The following GABARAP variants were observed in gnomAD, a reference collection of about 807,000 sequenced individuals.
The protein encoded by GABARAP is gamma-aminobutyric acid receptor-associated protein.
A neutral mutation model predicts 16.7 loss-of-function variants in GABARAP; 5 were observed. The ratio of observed to expected loss-of-function variants is 0.30; its 90% CI spans 0.16 to 0.63. The LOEUF (loss-of-function observed/expected upper bound fraction) is 0.63, where lower values mean the gene tolerates loss of function less well. Among genes scored for constraint, GABARAP ranks in the 20% least tolerant of loss-of-function variants. GABARAP has a pLI of 0.82. For missense variants in GABARAP, 84 were observed against 146.6 expected (o/e 0.57, Z 2.21); for synonymous variants, 45 against 52.7 (o/e 0.85, Z 0.64).
In GABARAP at chr17:7,240,838, C is replaced by G. The variant is rs761040922; in HGVS notation, c.*16G>C. On this transcript the variant is annotated 3_prime_UTR_variant, in exon 4 of 4. Transcript: ENST00000302386. ...TTTGTAGAATGAGACCCCCCTCCAG[C>G]TCAGGGGCAGCAGCTTCACAGACCG... 5.7e-6 allele frequency: 9 copies of G among 1,591,346 alleles called. No homozygotes were observed. The Admixed American group carries it at 1.3e-4, about 24-fold the overall frequency.
intron 1 of GABARAP, 71 bp from the exon 2 acceptor site, chr17:7,241,750 A>G (rs2071781189): frequency 1.4e-5 from 13 of 933,300 alleles, no homozygotes; most frequent in Non-Finnish European, 2.3e-5. Flanking sequence ...AGAACTCAAG[A>G]AACAATATTC....
In GABARAP at chr17:7,242,378, G is replaced by A. The variant is rs1371435150; in HGVS notation, c.-48C>T. 2.1e-6 allele frequency: 3 copies of A among 1,411,808 alleles called. No homozygotes were observed. The highest frequency in any genetic ancestry group is 1.8e-5 in the Admixed American group (1 of 56,328). 87.5% of individuals were successfully genotyped at this position (1,411,808 alleles called of 1,614,324 possible). A position where few individuals can be genotyped will look rare whatever the true frequency, so the allele number is the denominator to read the frequency against. On this transcript the variant is annotated 5_prime_UTR_variant, in exon 1 of 4. Transcript: ENST00000302386. ...AGGGCTGGGCTGAGGGAACCCAGGG[G>A]GGCCGGGACGGGGGGCGGCGACGAC...
chr17:7,242,420 C>A lies in GABARAP; in HGVS notation c.-90G>T, dbSNP rs926378647. ...GGCGACGACGGCGGCGACGCGCGGG[C>A]GGATTCAGCGGAGCGATCCACGAAT... On this transcript the variant is annotated 5_prime_UTR_variant, in exon 1 of 4. Coordinates refer to ENST00000302386, the MANE Select transcript of GABARAP (RefSeq NM_007278.2). 34 of 930,208 alleles carry A rather than the reference C, an allele frequency of 3.7e-5. No individual in the cohort carries two copies. Among genetic ancestry groups the A allele is most frequent in the Middle Eastern group, 2.2e-4 (1 of 4,568 alleles). 57.6% of individuals were successfully genotyped at this position (930,208 alleles called of 1,614,324 possible).
rs1386221416 is a variant in GABARAP at position 7,240,098 on chromosome 17, G to C, written c.*756C>G. ...CAAATGTGGATGTTCACCTAAAGCA[G>C]GTACTTCGGAACTTTCTCCACAGGA... On this transcript the variant is annotated 3_prime_UTR_variant, in exon 4 of 4. Coordinates refer to ENST00000302386, the MANE Select transcript of GABARAP (RefSeq NM_007278.2). The C allele has an allele frequency of 1.3e-5, 2 of 152,134 alleles. No individual in the cohort carries two copies. Among genetic ancestry groups the C allele is most frequent in the Non-Finnish European group, 2.9e-5 (2 of 68,022 alleles). The allele number at this position is 152,134 out of a possible 1,614,324, so 9.4% of individuals were successfully genotyped here.
At position 7,242,387 on chromosome 17, in the gene GABARAP, CG is replaced by C. The variant is rs1298268519; in HGVS notation, c.-58del. The C allele has an allele frequency of 6.8e-6, 7 of 1,022,660 alleles. No homozygotes were observed. Among genetic ancestry groups the C allele is most frequent in the East Asian group, 7.2e-5 (2 of 27,746 alleles). The allele number at this position is 1,022,660 out of a possible 1,614,324, so 63.3% of individuals were successfully genotyped here. A position where few individuals can be genotyped will look rare whatever the true frequency, so the allele number is the denominator to read the frequency against. Reference sequence around the variant, plus strand: ...CTGAGGGAACCCAGGGGGGCCGGGACGGGGGGCGGCGACGACGGCGGCGACG... The same window carrying C: ...CTGAGGGAACCCAGGGGGGCCGGGACGGGGGCGGCGACGACGGCGGCGACG... On this transcript the variant is annotated 5_prime_UTR_variant, in exon 1 of 4. Transcript: ENST00000302386.
rs745382845 is a variant in GABARAP, at chr17:7,242,295, C to G, written c.36G>C (p.Glu12Asp). Residue 12 changes from glutamate (E) to aspartate (D), a missense_variant, in exon 1 of 4, where the codon GAG (glutamate) becomes GAC (aspartate). Transcript: ENST00000302386. ...TCTTCTCGCCCTCAGAGCGGCGCTTCTCGAACGGATGCTCTTCTTTGTACA... is the reference window on the plus strand; with the variant it reads ...TCTTCTCGCCCTCAGAGCGGCGCTTGTCGAACGGATGCTCTTCTTTGTACA... ...KFVYKEEHPFEKRRSEGEKIR... is the reference protein window; with the variant it reads ...KFVYKEEHPFDKRRSEGEKIR... 6.2e-7 allele frequency: 1 copy of G among 1,613,884 alleles called. No individual in the cohort carries two copies. The highest frequency in any genetic ancestry group is 8.5e-7 in the Non-Finnish European group (1 of 1,179,894).
At chr17:7,241,141 C>G in intron 3 of GABARAP, 1 of 680,726 alleles carries the variant, frequency 1.5e-6, no homozygotes, top group Non-Finnish European at 2.6e-6. Context: ...GAGTCCCGAA[C>G]AGATAGTTTC....
rs755211728 is a variant in GABARAP at position 7,241,690 on chromosome 17, G to A, written c.91-11C>T. 1.1e-5 allele frequency: 17 copies of A among 1,562,072 alleles called. No individual in the cohort carries two copies. Among genetic ancestry groups the A allele is most frequent in the South Asian group, 3.3e-5 (3 of 90,122 alleles). On this transcript the variant is annotated splice_polypyrimidine_tract_variant and intron_variant, in intron 1 of 3. Transcript: ENST00000302386. ...CTTTTCTACTATCACCTGATAAAGAGATGAAAATTAGGAGACAGAAGGAAT... is the reference window on the plus strand; with the variant it reads ...CTTTTCTACTATCACCTGATAAAGAAATGAAAATTAGGAGACAGAAGGAAT...
rs1057200451 is a variant in GABARAP at position 7,240,289 on chromosome 17, A to C, written c.*565T>G. 1 of 152,872 alleles carries C rather than the reference A, an allele frequency of 6.5e-6. No homozygotes were observed. Among genetic ancestry groups the C allele is most frequent in the African/African-American group, 2.4e-5 (1 of 41,440 alleles). 9.5% of individuals were successfully genotyped at this position (152,872 alleles called of 1,614,324 possible). A position where few individuals can be genotyped will look rare whatever the true frequency, so the allele number is the denominator to read the frequency against. ...GGGAAAAGCCCAACATGAACAGAAT[A>C]AACCAAAATATACTTCTATCCCTCC... On this transcript the variant is annotated 3_prime_UTR_variant, in exon 4 of 4. Transcript: ENST00000302386.
At position 7,240,725 on chromosome 17, in the gene GABARAP, A is replaced by G. The variant is rs907399464; in HGVS notation, c.*129T>C. 1 of 683,752 alleles carries G rather than the reference A, an allele frequency of 1.5e-6. No homozygotes were observed. Among genetic ancestry groups the G allele is most frequent in the South Asian group, 1.7e-5 (1 of 59,114 alleles). The allele number at this position is 683,752 out of a possible 1,614,324, so 42.4% of individuals were successfully genotyped here. ...TAAGAGAGGCTGGAGAGAAAGCCAC[A>G]AACATTAAGAAGTGCCGGTCCTGAA... On this transcript the variant is annotated 3_prime_UTR_variant, in exon 4 of 4. Transcript: ENST00000302386.
Position 7,241,458 on chromosome 17 carries a change from C to T in GABARAP, c.172G>A (p.Gly58Ser). ...KYLVPSDLTV[G>S]QFYFLIRKRI... ...TTCCGGATCAAGAAGTAGAACTGAC[C>T]AACTGCAAAAGATACAAGATGCAAG... The change falls in exon 3 of 4, where the codon GGT becomes AGT. Residue 58 changes from glycine (G) to serine (S), a missense_variant and splice_region_variant. Gly to Ser is a moderately conservative substitution (Grantham distance 56, BLOSUM62 0). Coordinates refer to ENST00000302386, the MANE Select transcript of GABARAP (RefSeq NM_007278.2). 6.6e-7 allele frequency: 1 copy of T among 1,512,924 alleles called. No homozygotes were observed. The highest frequency in any genetic ancestry group is 9.2e-7 in the Non-Finnish European group (1 of 1,087,682). 93.7% of individuals were successfully genotyped at this position (1,512,924 alleles called of 1,614,324 possible).
rs374845958 is a variant in GABARAP at position 7,240,438 on chromosome 17, C to T, written c.*416G>A. On this transcript the variant is annotated 3_prime_UTR_variant, in exon 4 of 4. Transcript: ENST00000302386. The stretch of plus-strand genomic sequence containing the variant: ...ATTCAGTTCAGCTTGGTGGTTTCCT[C>T]TTTATTGATGTGCCTCCTACCTTCC... 5.9e-6 allele frequency: 1 copy of T among 169,238 alleles called. No individual in the cohort carries two copies. The highest frequency in any genetic ancestry group is 1.8e-4 in the East Asian group (1 of 5,508). The allele number at this position is 169,238 out of a possible 1,614,324, so 10.5% of individuals were successfully genotyped here.
rs1207897742 is a variant in GABARAP at position 7,240,779 on chromosome 17, A to C, written c.*75T>G. On this transcript the variant is annotated 3_prime_UTR_variant, in exon 4 of 4. Transcript: ENST00000302386. ...GGGAGGTGGTGTTTGAGCTTGAAGG[A>C]GGAGGAGGTCAAGAAAGGGGGGCCA... 2 of 925,060 alleles carry C rather than the reference A, an allele frequency of 2.2e-6. No individual in the cohort carries two copies. Among genetic ancestry groups the C allele is most frequent in the Non-Finnish European group, 3.6e-6 (2 of 558,216 alleles). 57.3% of individuals were successfully genotyped at this position (925,060 alleles called of 1,614,324 possible). A position where few individuals can be genotyped will look rare whatever the true frequency, so the allele number is the denominator to read the frequency against.
rs796989278 is a variant in GABARAP, at chr17:7,240,643, A to G, written c.*211T>C. The G allele has an allele frequency of 9.3e-6, 5 of 538,394 alleles. No individual in the cohort carries two copies. Among genetic ancestry groups the G allele is most frequent in the African/African-American group, 7.7e-5 (4 of 52,096 alleles). The allele number at this position is 538,394 out of a possible 1,614,324, so 33.4% of individuals were successfully genotyped here. On this transcript the variant is annotated 3_prime_UTR_variant, in exon 4 of 4. Coordinates refer to ENST00000302386, the MANE Select transcript of GABARAP (RefSeq NM_007278.2). ...GCAGGATGGGAAAGGCGGGCAGAGA[A>G]AGGGGAAGAAAGGAGAAAGGAGAGT...
At chr17:7,242,103 A>G in intron 1 of GABARAP, 138 bp downstream of exon 1, 1 of 661,084 alleles carries the variant, frequency 1.5e-6, no homozygotes, top group Non-Finnish European at 2.7e-6. Flanking sequence ...CCTGGGTCCC[A>G]AGGACAGCAG....
At position 7,241,663 on chromosome 17, in the gene GABARAP, G is replaced by A. The variant is rs766405105; in HGVS notation, c.107C>T (p.Ala36Val). The A allele has an allele frequency of 6.2e-7, 1 of 1,606,858 alleles. No individual in the cohort carries two copies. The highest frequency in any genetic ancestry group is 2.2e-5 in the East Asian group (1 of 44,856). The change falls in exon 2 of 4, where the codon GCT (alanine) becomes GTT (valine). Residue 36 changes from alanine (A) to valine (V), a missense_variant. Ala to Val is a moderately conservative substitution (Grantham distance 64). Transcript: ENST00000302386. Reference protein sequence around the residue: ...PDRVPVIVEKAPKARIGDLDK... With the variant: ...PDRVPVIVEKVPKARIGDLDK... ...CAGGTCTCCTATCCGAGCTTTGGGA[G>A]CCTTTTCTACTATCACCTGATAAAG...
At chr17:7,241,315 G>A (rs948751665) in intron 3 of GABARAP, 27 bp downstream of exon 3, 1 of 1,040,282 alleles carries the variant, frequency 9.6e-7, no homozygotes, top group African/African-American at 1.6e-5. Context: ...CCTCTCCAAA[G>A]CCTCCACCAC....
chr17:7,241,527 GGTGGAGCCTCCTC>G, intron 2 of GABARAP, 61 bp downstream of exon 2: 1 of 1,328,452 alleles, frequency 7.5e-7, no homozygotes, highest in South Asian at 1.2e-5. Flanking sequence ...ACAGCTGCTA[GGTGGAGCCTCCTC>G]CCGCAGAGAC....
chr17:7,240,693 C>T lies in GABARAP; in HGVS notation c.*161G>A, dbSNP rs1597569718. 9.9e-6 allele frequency: 6 copies of T among 604,060 alleles called. No homozygotes were observed. Among genetic ancestry groups the T allele is most frequent in the African/African-American group, 9.2e-5 (5 of 54,068 alleles). The allele number at this position is 604,060 out of a possible 1,614,324, so 37.4% of individuals were successfully genotyped here. On this transcript the variant is annotated 3_prime_UTR_variant, in exon 4 of 4. Coordinates refer to ENST00000302386, the MANE Select transcript of GABARAP (RefSeq NM_007278.2). ...TTACAAGATGCCAACTCCACCATTACCCCTCCTAAGAGAGGCTGGAGAGAA... is the reference window on the plus strand; with the variant it reads ...TTACAAGATGCCAACTCCACCATTATCCCTCCTAAGAGAGGCTGGAGAGAA...
Sources: allele counts gnomAD v4.1 joint callset, GRCh38; gene constraint gnomAD v4.1.1; transcripts MANE v1.5; gene names NCBI Gene and HGNC (gene_info 2026-07-23, HGNC 2026-07-21).